The following OR2T1 variants were observed in gnomAD, a reference collection of about 807,000 sequenced individuals.
The protein encoded by OR2T1 is olfactory receptor 2T1.
For missense variants in OR2T1, 440 were observed against 390.2 expected (o/e 1.13, Z -1.07); for synonymous variants, 186 against 145.4 (o/e 1.28, Z -2.01).
Position 248,406,537 on chromosome 1 carries a change from A to G in OR2T1, c.390A>G (p.Arg130=), listed in dbSNP as rs757291747. 20 of 1,614,038 alleles carry G rather than the reference A, an allele frequency of 1.2e-5. No individual in the cohort carries two copies. Among genetic ancestry groups the G allele is most frequent in the Non-Finnish European group, 1.5e-5 (18 of 1,179,996 alleles). ...ATGTGGCCATTTGCAACCCTCTGAG[A>G]TACCCTGTCCTCATGAGCCGCCGGG... is the stretch of plus-strand genomic sequence containing the variant. ...DRYVAICNPL[R]YPVLMSRRVC... Residue 130 remains arginine, a synonymous_variant, in exon 2 of 2, where the codon AGA becomes AGG. Transcript: ENST00000642005.
At chr1:248,405,391 A>G (rs936371991) in intron 1 of OR2T1, among the ~76,000 whole-genome samples, 7 of 152,168 alleles carry the variant, frequency 4.6e-5, no homozygotes, top group Admixed American at 3.3e-4. Flanking sequence ...ATTAATTGCT[A>G]ATACTGATTT....
At chr1:248,404,127 A>T (rs1661489834) in intron 1 of OR2T1, among the ~76,000 whole-genome samples, 1 of 24,686 alleles carries the variant, frequency 4.1e-5, no homozygotes, top group South Asian at 1.1e-3. Flanking sequence ...GCTACGGAAA[A>T]ATTCCAATTT....
rs548109704 is a variant in OR2T1 at position 248,406,134 on chromosome 1, C to A, written c.-14C>A. 15 of 1,614,086 alleles carry A rather than the reference C, an allele frequency of 9.3e-6. No homozygotes were observed. In the African/African-American group the frequency reaches 1.9e-4, roughly 20 times the overall value. ...TGGAAGATATTACCTTATATCGGCA[C>A]AACTGTAGGATCAATGGAAGAGTAC... On this transcript the variant is annotated 5_prime_UTR_variant, in exon 2 of 2. Coordinates refer to ENST00000642005, the MANE Select transcript of OR2T1 (RefSeq NM_030904.2).
intron 1 of OR2T1, among the ~76,000 whole-genome samples, chr1:248,404,038 T>C (rs1043046214): frequency 6.6e-6 from 1 of 152,218 alleles, no homozygotes; most frequent in Middle Eastern, 3.4e-3. Flanking sequence ...TCATCCTTTA[T>C]ATTCTTGAAG....
Position 248,407,531 on chromosome 1 carries a change from C to T in OR2T1, c.*427C>T, listed in dbSNP as rs1022931169. ...AGAAAAATCCGATCAGACAGGCCTT[C>T]GTGGGTGTCCCCACTCACTCTATCA... On this transcript the variant is annotated 3_prime_UTR_variant, in exon 2 of 2. Transcript: ENST00000642005. 1.3e-4 allele frequency: 23 copies of T among 172,204 alleles called. No individual in the cohort carries two copies. The highest frequency in any genetic ancestry group is 3.8e-4 in the African/African-American group (16 of 42,236). 10.7% of individuals were successfully genotyped at this position (172,204 alleles called of 1,614,324 possible).
In OR2T1 at chr1:248,406,881, CTG is replaced by C. The variant is rs1558315728; in HGVS notation, c.737_738del (p.Val246GlyfsTer46). ...TTTGCCACTTGCTCATCCCACATGACTGTGGTGTCCTTGTTCTACGGGGCTGC... is the reference window on the plus strand; with the variant it reads ...TTTGCCACTTGCTCATCCCACATGACTGGTGTCCTTGTTCTACGGGGCTGC... On this transcript the variant is annotated frameshift_variant, in exon 2 of 2. Transcript: ENST00000642005. LOFTEE classifies it low-confidence loss of function (END_TRUNC). The C allele has an allele frequency of 4.3e-6, 7 of 1,614,122 alleles. No individual in the cohort carries two copies. Among genetic ancestry groups the C allele is most frequent in the Non-Finnish European group, 5.9e-6 (7 of 1,179,980 alleles).
chr1:248,405,918 A>T, intron 1 of OR2T1, 197 bp from the exon 2 acceptor site: 1 of 1,180,510 alleles, frequency 8.5e-7, no homozygotes, highest in Non-Finnish European at 1.2e-6. Context: ...CAATGTATTT[A>T]AGCAATTATT....
chr1:248,406,090 G>A, intron 1 of OR2T1, 25 bp from the exon 2 acceptor site: 2 of 1,613,864 alleles, frequency 1.2e-6, no homozygotes, highest in Non-Finnish European at 1.7e-6. Context: ...TACTGCCCTG[G>A]GAATGCTATC....
In OR2T1 at chr1:248,406,907, G is replaced by T. The variant is rs777990638; in HGVS notation, c.760G>T (p.Ala254Ser). 6.2e-7 allele frequency: 1 copy of T among 1,614,056 alleles called. No homozygotes were observed. The highest frequency in any genetic ancestry group is 8.5e-7 in the Non-Finnish European group (1 of 1,179,946). ...TGTGGTGTCCTTGTTCTACGGGGCT[G>T]CCATGTACACCTACATGCTGCCACA... ...MTVVSLFYGAAMYTYMLPHSY... is the reference protein window; with the variant it reads ...MTVVSLFYGASMYTYMLPHSY... The change falls in exon 2 of 2, where the codon GCC becomes TCC. Residue 254 changes from alanine to serine, a missense_variant. By Grantham distance (99) the Ala-to-Ser change is moderately conservative (BLOSUM62 1). Transcript: ENST00000642005.
At chr1:248,404,151 G>C (rs1258480313) in intron 1 of OR2T1, among the ~76,000 whole-genome samples, 3 of 66 alleles carry the variant, frequency 0.045, no homozygotes, top group Non-Finnish European at 0.11. Context: ...AAAATCATCG[G>C]TGAGTTATAC....
chr1:248,407,196 A>G lies in OR2T1; in HGVS notation c.*92A>G. On this transcript the variant is annotated 3_prime_UTR_variant, in exon 2 of 2. Transcript: ENST00000642005. ...CAAAAGATGAAGCAAAAAGGGAGGG[A>G]GTCATATGATTACAATATTGGTTTT... is the stretch of plus-strand genomic sequence containing the variant. 7.9e-7 allele frequency: 1 copy of G among 1,266,970 alleles called. No individual in the cohort carries two copies. The highest frequency in any genetic ancestry group is 1.1e-6 in the Non-Finnish European group (1 of 912,498). 78.5% of individuals were successfully genotyped at this position (1,266,970 alleles called of 1,614,324 possible).
chr1:248,407,217 G>A lies in OR2T1; in HGVS notation c.*113G>A. The A allele has an allele frequency of 1.8e-6, 2 of 1,121,626 alleles. No individual in the cohort carries two copies. The highest frequency in any genetic ancestry group is 1.7e-5 in the South Asian group (1 of 57,886). 69.5% of individuals were successfully genotyped at this position (1,121,626 alleles called of 1,614,324 possible). A position where few individuals can be genotyped will look rare whatever the true frequency, so the allele number is the denominator to read the frequency against. On this transcript the variant is annotated 3_prime_UTR_variant, in exon 2 of 2. Transcript: ENST00000642005. ...AGGGAGTCATATGATTACAATATTGGTTTTTTGGCTAGGGTTTCTGGTTCA... is the reference window on the plus strand; with the variant it reads ...AGGGAGTCATATGATTACAATATTGATTTTTTGGCTAGGGTTTCTGGTTCA...
Position 248,406,301 on chromosome 1 carries a change from T to G in OR2T1, c.154T>G (p.Leu52Val). ...GVMIFLIQTD[L>V]RLHTPMYFLL... ...TATGATCTTCCTGATCCAAACAGAT[T>G]TGCGCCTTCATACACCCATGTACTT... The change falls in exon 2 of 2, where the codon TTG (leucine) becomes GTG (valine). Residue 52 changes from leucine to valine, a missense_variant. Transcript: ENST00000642005. 1 of 1,614,130 alleles carries G rather than the reference T, an allele frequency of 6.2e-7. No individual in the cohort carries two copies. The highest frequency in any genetic ancestry group is 8.5e-7 in the Non-Finnish European group (1 of 1,179,996).
intron 1 of OR2T1, among the ~76,000 whole-genome samples, chr1:248,403,806 T>G (rs1031457512): frequency 1.3e-5 from 2 of 152,142 alleles, no homozygotes; most frequent in Non-Finnish European, 2.9e-5. Context: ...GGGCTTGTTC[T>G]CTGATAAATT....
At chr1:248,405,886 C>A in intron 1 of OR2T1, 1 of 875,602 alleles carries the variant, frequency 1.1e-6, no homozygotes, top group Non-Finnish European at 1.7e-6. Flanking sequence ...AATACAGTAT[C>A]ATCTGCTGAC....
At chr1:248,405,334 G>A (rs189733008) in intron 1 of OR2T1, among the ~76,000 whole-genome samples, 1 of 152,154 alleles carries the variant, frequency 6.6e-6, no homozygotes, top group East Asian at 1.9e-4. Flanking sequence ...AAAATAATCA[G>A]TGAATTATAG....
At position 248,406,963 on chromosome 1, in the gene OR2T1, C is replaced by A; in HGVS notation, c.816C>A (p.Val272=). 1 of 1,614,152 alleles carries A rather than the reference C, an allele frequency of 6.2e-7. No homozygotes were observed. The highest frequency in any genetic ancestry group is 1.3e-5 in the African/African-American group (1 of 75,044). The change falls in exon 2 of 2, where the codon GTC becomes GTA. Residue 272 remains valine (V), a synonymous_variant. Transcript: ENST00000642005. ...HSYHKPAQDK[V]LSVFYTILTP... is the part of the protein sequence containing the mutation. ...ACCACAAGCCAGCCCAGGACAAAGT[C>A]CTCTCTGTGTTTTACACCATTCTCA...
chr1:248,403,990 T>C (rs1383548738), intron 1 of OR2T1, among the ~76,000 whole-genome samples: 1 of 143,352 alleles, frequency 7.0e-6, no homozygotes, highest in Non-Finnish European at 1.5e-5. Context: ...AAATTATGAA[T>C]GTATATACTT....
Position 248,406,817 on chromosome 1 carries a change from G to A in OR2T1, c.670G>A (p.Val224Ile). ...TTCCTATGCCCGAATCCTGACTACA[G>A]TTCAGTGCATGAGCTCAGTGGAGGG... Reference protein sequence around the residue: ...LASYARILTTVQCMSSVEGRK... With the variant: ...LASYARILTTIQCMSSVEGRK... Residue 224 changes from valine to isoleucine, a missense_variant, in exon 2 of 2, where the codon GTT becomes ATT. Coordinates refer to ENST00000642005, the MANE Select transcript of OR2T1 (RefSeq NM_030904.2). 6.2e-7 allele frequency: 1 copy of A among 1,614,178 alleles called. No homozygotes were observed. The highest frequency in any genetic ancestry group is 8.5e-7 in the Non-Finnish European group (1 of 1,180,026).
Sources: allele counts gnomAD v4.1 joint callset (sites outside exome capture counted in the v4.1 genomes callset), GRCh38; gene constraint gnomAD v4.1.1; transcripts MANE v1.5; gene names NCBI Gene and HGNC (gene_info 2026-07-23, HGNC 2026-07-21).